Variants in PSMD14 observed in about 807,000 individuals in gnomAD.
The protein encoded by PSMD14 is ubiquitin C-terminal hydrolase PSMD14.
Under a neutral mutation model 41.2 loss-of-function variants are expected in PSMD14, and 7 were observed. The observed-to-expected ratio is 0.17, with a 90% CI of 0.10 to 0.32. The LOEUF is 0.32. Among genes scored for constraint, PSMD14 ranks in the 10% least tolerant of loss-of-function variants. PSMD14 has a pLI of 1.00. For synonymous variants in PSMD14, 114 were observed against 122.3 expected, an observed-to-expected ratio of 0.93 and a Z score of 0.45; for missense variants, 139 against 375.6, an observed-to-expected ratio of 0.37 and a Z score of 5.21.
chr2:161,338,528 T>C (rs1455856220), intron 3 of PSMD14, among the ~76,000 whole-genome samples: 1 of 152,164 alleles, frequency 6.6e-6, no homozygotes, highest in African/African-American at 2.4e-5. Context: ...GTAATCACTG[T>C]GTATGAGAAT....
At chr2:161,360,191 A>AT (rs35876321) in intron 3 of PSMD14, among the ~76,000 whole-genome samples, 95,908 of 138,070 alleles carry the variant, frequency 0.69, 33,752 homozygotes, top group Admixed American at 0.76. Flanking sequence ...ATATGCATGT[A>AT]TTTTTTTTTT....
chr2:161,351,394 A>G (rs1384319493), intron 3 of PSMD14, among the ~76,000 whole-genome samples: 1 of 152,168 alleles, frequency 6.6e-6, no homozygotes, highest in Non-Finnish European at 1.5e-5. Flanking sequence ...CTCTGTCTAC[A>G]TTCATCTTTT....
At chr2:161,328,181 A>G (rs915880698) in intron 3 of PSMD14, among the ~76,000 whole-genome samples, 4 of 152,150 alleles carry the variant, frequency 2.6e-5, no homozygotes, top group Admixed American at 6.6e-5. Flanking sequence ...ACTTTAGGGA[A>G]ACTTTTATAT....
chr2:161,389,891 T>G (rs1220074195), intron 8 of PSMD14, among the ~76,000 whole-genome samples: 3 of 71,930 alleles, frequency 4.2e-5, no homozygotes, highest in Non-Finnish European at 8.4e-5. Context: ...TTTTTGTTGT[T>G]TTTTTTTTTT....
chr2:161,386,670 G>T (rs774137584), intron 8 of PSMD14, among the ~76,000 whole-genome samples: 1 of 151,802 alleles, frequency 6.6e-6, no homozygotes, highest in African/African-American at 2.4e-5. Flanking sequence ...TGTTCCAAGA[G>T]AATATATTAT....
chr2:161,312,289 AC>A (rs1170788584), intron 1 of PSMD14, among the ~76,000 whole-genome samples: 1 of 151,564 alleles, frequency 6.6e-6, no homozygotes, highest in African/African-American at 2.4e-5. Context: ...GATTATAAGC[AC>A]CCGTCACCAC....
At chr2:161,408,921 T>A (rs1229996158) in intron 11 of PSMD14, 22 bp downstream of exon 11, 1 of 1,569,224 alleles carries the variant, frequency 6.4e-7, no homozygotes, top group South Asian at 1.1e-5. Context: ...TGTTAATAAG[T>A]TATGCAGTTG....
At chr2:161,319,074 T>A (rs1204479911) in intron 3 of PSMD14, 1 of 407,830 alleles carries the variant, frequency 2.5e-6, no homozygotes, top group Non-Finnish European at 4.3e-6. Context: ...ACTTTTCTCC[T>A]GGGAATAAGA....
intron 10 of PSMD14, among the ~76,000 whole-genome samples, chr2:161,407,203 A>T (rs1396524465): frequency 6.6e-6 from 1 of 152,146 alleles, no homozygotes; most frequent in Non-Finnish European, 1.5e-5. Context: ...TTAGAAAAAC[A>T]TACTCTTAAT....
intron 3 of PSMD14, among the ~76,000 whole-genome samples, chr2:161,361,962 A>G (rs1683295114): frequency 6.6e-6 from 1 of 151,834 alleles, no homozygotes; most frequent in African/African-American, 2.4e-5. Flanking sequence ...GTTGCTTGGT[A>G]TTTTTTTCTT....
At chr2:161,315,541 G>A (rs1414515845) in intron 1 of PSMD14, among the ~76,000 whole-genome samples, 3 of 152,138 alleles carry the variant, frequency 2.0e-5, no homozygotes, top group Non-Finnish European at 4.4e-5. Context: ...AGATGGGTCA[G>A]TGCTTTCTAC....
At chr2:161,386,024 C>T (rs571990545) in intron 8 of PSMD14, among the ~76,000 whole-genome samples, 1 of 151,628 alleles carries the variant, frequency 6.6e-6, no homozygotes, top group Non-Finnish European at 1.5e-5. Context: ...TTTAAAAAAC[C>T]CACCTTTAAA....
At chr2:161,318,732 TACTG>T in intron 2 of PSMD14, 86 bp from the exon 3 acceptor site, 1 of 950,512 alleles carries the variant, frequency 1.1e-6, no homozygotes, top group Non-Finnish European at 1.7e-6. Context: ...ATTTTTGACA[TACTG>T]AGTGACTGAA....
chr2:161,395,886 C>G (rs935861883), intron 10 of PSMD14, among the ~76,000 whole-genome samples: 1 of 152,188 alleles, frequency 6.6e-6, no homozygotes. Flanking sequence ...AAAAATCAGT[C>G]TGTACCATAA....
intron 3 of PSMD14, among the ~76,000 whole-genome samples, chr2:161,356,878 T>A (rs1299302830): frequency 1.3e-5 from 2 of 151,848 alleles, no homozygotes; most frequent in African/African-American, 4.8e-5. Flanking sequence ...ATTTTACATT[T>A]CTTTTAAGTG....
At chr2:161,372,578 C>T (rs1255691869) in intron 7 of PSMD14, among the ~76,000 whole-genome samples, 2 of 151,926 alleles carry the variant, frequency 1.3e-5, no homozygotes, top group African/African-American at 4.8e-5. Flanking sequence ...CTAGACCATT[C>T]AGAATGGATA....
At chr2:161,333,110 T>A (rs1380873199) in intron 3 of PSMD14, among the ~76,000 whole-genome samples, 2 of 152,260 alleles carry the variant, frequency 1.3e-5, no homozygotes, top group Non-Finnish European at 2.9e-5. Flanking sequence ...TTATTGGTAA[T>A]TATTACATTT....
intron 10 of PSMD14, among the ~76,000 whole-genome samples, chr2:161,395,978 A>G (rs1222775602): frequency 6.6e-6 from 1 of 152,156 alleles, no homozygotes; most frequent in Non-Finnish European, 1.5e-5. Context: ...TTTCAGACCT[A>G]ATGGCTCAAA....
At chr2:161,356,762 CTT>C (rs4027150) in intron 3 of PSMD14, among the ~76,000 whole-genome samples, 125,338 of 143,880 alleles carry the variant, frequency 0.87, 54,489 homozygotes, top group East Asian at 0.96. Flanking sequence ...ATTCAAACTC[CTT>C]TTTTTTTTTT....
Sources: allele counts gnomAD v4.1 joint callset (sites outside exome capture counted in the v4.1 genomes callset), GRCh38; gene constraint gnomAD v4.1.1; transcripts MANE v1.5; gene names NCBI Gene and HGNC (gene_info 2026-07-23, HGNC 2026-07-21).